LINGO2: variants seen among roughly 807,000 people sequenced by gnomAD.
The protein encoded by LINGO2 is leucine-rich repeat and immunoglobulin-like domain-containing nogo receptor-interacting protein 2.
LINGO2 carries 14 observed loss-of-function variants against 30.6 expected under a neutral mutation model. That is an observed-to-expected ratio of 0.46 (90% CI 0.30 to 0.72). The LOEUF (loss-of-function observed/expected upper bound fraction) is 0.72. LINGO2 is among the 30% of genes least tolerant of loss of function. The probability of loss-of-function intolerance (pLI) is 0.07; values close to 1 mark genes in which losing one functional copy is unlikely to be tolerated. For missense variants in LINGO2, 729 were observed against 751.7 expected (o/e 0.97, Z 0.35); for synonymous variants, 317 against 288.5 (o/e 1.10, Z -1.00).
chr9:28,932,275 C>T, the LINGO2 span, among the ~76,000 whole-genome samples: 1 of 151,864 alleles, frequency 6.6e-6, no homozygotes, highest in Non-Finnish European at 1.5e-5. Context: ...GTCTGGCAGT[C>T]TTTTTTTCCT....
intron 4 of LINGO2, among the ~76,000 whole-genome samples, chr9:28,223,680 T>G (rs1033073303): frequency 6.6e-6 from 1 of 152,072 alleles, no homozygotes; most frequent in African/African-American, 2.4e-5. Flanking sequence ...AAAACTATGA[T>G]AGTGGTTATG....
chr9:28,713,633 G>A, the LINGO2 span, among the ~76,000 whole-genome samples: 1 of 152,100 alleles, frequency 6.6e-6, no homozygotes, highest in East Asian at 1.9e-4. Context: ...TCCATTAGAA[G>A]GTACTGATTT....
chr9:28,012,727 C>T (rs1239074628), intron 4 of LINGO2, among the ~76,000 whole-genome samples: 1 of 152,132 alleles, frequency 6.6e-6, no homozygotes, highest in East Asian at 1.9e-4. Context: ...TCAAGATGAT[C>T]ATTTTTGCTC....
intron 5 of LINGO2, among the ~76,000 whole-genome samples, chr9:27,972,076 C>A (rs1430878347): frequency 6.6e-6 from 1 of 151,802 alleles, no homozygotes; most frequent in African/African-American, 2.4e-5. Context: ...GCAATGGAAC[C>A]AAAGTCACAA....
intron 5 of LINGO2, among the ~76,000 whole-genome samples, chr9:27,984,816 TG>T (rs1016528414): frequency 2.0e-5 from 3 of 151,892 alleles, no homozygotes; most frequent in Non-Finnish European, 4.4e-5. Context: ...ACACCCTATG[TG>T]GTGGCATTAG....
the LINGO2 span, among the ~76,000 whole-genome samples, chr9:29,044,832 A>T: frequency 2.7e-4 from 41 of 152,234 alleles, no homozygotes; most frequent in African/African-American, 9.9e-4. Flanking sequence ...TTTTTCTTAT[A>T]CATACACCCT....
At chr9:28,594,049 A>T (rs961357670) in intron 1 of LINGO2, among the ~76,000 whole-genome samples, 3 of 151,550 alleles carry the variant, frequency 2.0e-5, no homozygotes, top group African/African-American at 4.8e-5. Context: ...TTTTCAAAAT[A>T]AAAAAAAACA....
At chr9:28,564,318 A>G (rs1231362923) in intron 1 of LINGO2, among the ~76,000 whole-genome samples, 1 of 152,182 alleles carries the variant, frequency 6.6e-6, no homozygotes, top group Non-Finnish European at 1.5e-5. Context: ...AGAAATCATA[A>G]GGAAATCTAG....
At chr9:29,099,664 A>G in the LINGO2 span, among the ~76,000 whole-genome samples, 8 of 152,226 alleles carry the variant, frequency 5.3e-5, no homozygotes, top group Admixed American at 2.6e-4. Flanking sequence ...CAGAGAATGC[A>G]AATCAAACTA....
At chr9:29,089,234 C>A in the LINGO2 span, among the ~76,000 whole-genome samples, 2 of 151,152 alleles carry the variant, frequency 1.3e-5, no homozygotes, top group Admixed American at 6.6e-5. Flanking sequence ...TTATTTATAG[C>A]AATATAGTAT....
the LINGO2 span, among the ~76,000 whole-genome samples, chr9:28,818,886 A>T: frequency 6.6e-6 from 1 of 152,326 alleles, no homozygotes; most frequent in South Asian, 2.1e-4. Flanking sequence ...AACCTGAAAA[A>T]CACTCTTACT....
intron 3 of LINGO2, among the ~76,000 whole-genome samples, chr9:28,305,790 T>A (rs898898975): frequency 6.6e-6 from 1 of 152,016 alleles, no homozygotes; most frequent in Non-Finnish European, 1.5e-5. Flanking sequence ...TCAACAATAA[T>A]GGGTTTTCTA....
intron 4 of LINGO2, among the ~76,000 whole-genome samples, chr9:28,054,790 A>C (rs1191391960): frequency 7.1e-6 from 1 of 139,950 alleles, no homozygotes; most frequent in African/African-American, 2.9e-5. Context: ...GCTATAACTT[A>C]ATTTTTAATT....
At chr9:29,101,680 C>T in the LINGO2 span, among the ~76,000 whole-genome samples, 5 of 152,262 alleles carry the variant, frequency 3.3e-5, 1 homozygote, top group East Asian at 7.7e-4. Flanking sequence ...TCTTTATGTG[C>T]CTGACTTATT....
the LINGO2 span, among the ~76,000 whole-genome samples, chr9:28,958,501 T>C: frequency 1.3e-5 from 2 of 152,084 alleles, no homozygotes; most frequent in Admixed American, 6.6e-5. Flanking sequence ...GACACTTTTT[T>C]AGAATGCCGA....
intron 4 of LINGO2, among the ~76,000 whole-genome samples, chr9:28,194,668 A>C (rs895006202): frequency 6.6e-6 from 1 of 151,954 alleles, no homozygotes; most frequent in African/African-American, 2.4e-5. Context: ...AATGTATGGA[A>C]AACAATGTGA....
intron 4 of LINGO2, among the ~76,000 whole-genome samples, chr9:28,184,485 C>T (rs940673080): frequency 2.0e-5 from 3 of 149,296 alleles, no homozygotes; most frequent in East Asian, 2.0e-4. Context: ...TCTTAAGGTT[C>T]GACTTAAAAA....
chr9:29,095,000 CAA>C, the LINGO2 span, among the ~76,000 whole-genome samples: 10,457 of 137,692 alleles, frequency 0.076, 2,038 homozygotes, highest in South Asian at 0.2. Context: ...GTTTTTCATT[CAA>C]GAGTCTATGC....
At chr9:29,105,375 C>T in the LINGO2 span, among the ~76,000 whole-genome samples, 1 of 152,154 alleles carries the variant, frequency 6.6e-6, no homozygotes, top group Middle Eastern at 3.2e-3. Flanking sequence ...TGAATGTATG[C>T]TCATGTCATA....
Sources: allele counts gnomAD v4.1 joint callset (sites outside exome capture counted in the v4.1 genomes callset), GRCh38; gene constraint gnomAD v4.1.1; transcripts MANE v1.5; gene names NCBI Gene and HGNC (gene_info 2026-07-23, HGNC 2026-07-21).